Variants in SERPINB5 observed in about 807,000 individuals in gnomAD.
The protein encoded by SERPINB5 is serpin family B member 5, also known as serpin B5.
In SERPINB5, 27 loss-of-function variants were observed where a neutral mutation model predicts 32.2. The ratio of observed to expected loss-of-function variants is 0.84; its 90% CI spans 0.62 to 1.16. The LOEUF (loss-of-function observed/expected upper bound fraction) is 1.16. SERPINB5 is among the 50% of genes most tolerant of loss of function. The pLI is 0.00. For missense variants in SERPINB5, 388 were observed against 436.3 expected (o/e 0.89, Z 0.99); for synonymous variants, 154 against 157.4 (o/e 0.98, Z 0.16).
intron 1 of SERPINB5, 75 bp from the exon 2 acceptor site, chr18:63,484,347 A>G (rs1917171225): frequency 2.3e-6 from 3 of 1,307,406 alleles, no homozygotes; most frequent in Non-Finnish European, 3.1e-6. Context: ...GAATTCTTAT[A>G]GTGTTGGCAG....
At position 63,498,522 on chromosome 18, in the gene SERPINB5, T is replaced by G. The variant is rs12965580; in HGVS notation, c.568-598T>G. Among the ~76,000 whole-genome samples, 26,073 of 152,202 alleles carry G rather than the reference T, an allele frequency of 0.17. 2,382 individuals are homozygous for G. Among genetic ancestry groups the G allele is most frequent in the African/African-American group, 0.23 (9,644 of 41,510 alleles). ...AAAGAATAACAAACGTTGCCTATAT[T>G]TACAGCCATACAGTCTTATTTTTAA... On this transcript the variant is annotated intron_variant, in intron 5 of 6. Coordinates refer to ENST00000382771, the MANE Select transcript of SERPINB5 (RefSeq NM_002639.5). This position sits in a 1 kb window ranked among gnomAD's most constrained non-coding sequence, Gnocchi z 4.2.
intron 1 of SERPINB5, among the ~76,000 whole-genome samples, chr18:63,479,004 C>T (rs1917081964): frequency 6.6e-6 from 1 of 152,124 alleles, no homozygotes; most frequent in East Asian, 1.9e-4. Flanking sequence ...AAGTGATCTG[C>T]CCGCCTTGGC....
At chr18:63,481,403 T>G (rs187151441) in intron 1 of SERPINB5, among the ~76,000 whole-genome samples, 155 of 152,380 alleles carry the variant, frequency 1.0e-3, no homozygotes, top group African/African-American at 3.6e-3. Context: ...AAGTATAGTT[T>G]GTTATTGACT....
Position 63,493,114 on chromosome 18 carries a change from A to G in SERPINB5, c.567+19A>G. The G allele has an allele frequency of 6.2e-7, 1 of 1,614,138 alleles. No individual in the cohort carries two copies. On this transcript the variant is annotated intron_variant, in intron 5 of 6. Transcript: ENST00000382771. ...CAACAAGGTATGTGGGGCAGCATGTAGCAGTAAAAGGAGCCCAATTATAGA... is the reference window on the plus strand; with the variant it reads ...CAACAAGGTATGTGGGGCAGCATGTGGCAGTAAAAGGAGCCCAATTATAGA...
rs1909618294 is a variant in SERPINB5, at chr18:63,503,662, C to T, written c.1068C>T (p.Tyr356=). 4 of 1,614,206 alleles carry T rather than the reference C, an allele frequency of 2.5e-6. No individual in the cohort carries two copies. Among genetic ancestry groups the T allele is most frequent in the Non-Finnish European group, 3.4e-6 (4 of 1,180,014 alleles). ...TGAATGCTGACCATCCCTTTATTTA[C>T]ATCATCAGGCACAACAAAACTCGAA... ...DELNADHPFI[Y]IIRHNKTRNI... Residue 356 remains tyrosine (Y), a synonymous_variant, in exon 7 of 7, where the codon TAC becomes TAT. Coordinates refer to ENST00000382771, the MANE Select transcript of SERPINB5 (RefSeq NM_002639.5).
At chr18:63,497,513 A>G in intron 5 of SERPINB5, 1 of 421,674 alleles carries the variant, frequency 2.4e-6, no homozygotes, top group Non-Finnish European at 4.4e-6. Flanking sequence ...AAAAAAAAAA[A>G]AGAGCCAAGC....
intron 4 of SERPINB5, among the ~76,000 whole-genome samples, chr18:63,490,328 C>T (rs1200361355): frequency 6.6e-6 from 1 of 152,114 alleles, no homozygotes; most frequent in Non-Finnish European, 1.5e-5. Context: ...AGTGCTTCCC[C>T]CAGGCGTCTC....
rs1362441699 is a variant in SERPINB5, at chr18:63,500,843, A to T, written c.735+1556A>T. On this transcript the variant is annotated intron_variant, in intron 6 of 6. Transcript: ENST00000382771. Reference sequence around the variant, plus strand: ...TGGTTGCCATTATGTTTTAGCCACCACTTTATTAACTGAATTATAATTCCT... The same window carrying T: ...TGGTTGCCATTATGTTTTAGCCACCTCTTTATTAACTGAATTATAATTCCT... 2.6e-5 allele frequency among the ~76,000 whole-genome samples: 4 copies of T among 152,016 alleles called. No homozygotes were observed. In the East Asian group the frequency reaches 7.7e-4, roughly 29 times the overall value.
chr18:63,493,160 GA>G, intron 5 of SERPINB5, 65 bp downstream of exon 5: 1 of 1,603,836 alleles, frequency 6.2e-7, no homozygotes. Flanking sequence ...GATAGGGACA[GA>G]GTGGGGCATA....
intron 1 of SERPINB5, among the ~76,000 whole-genome samples, chr18:63,479,620 G>T (rs1294009463): frequency 6.6e-6 from 1 of 152,114 alleles, no homozygotes; most frequent in Non-Finnish European, 1.5e-5. Context: ...CACTCCTGGG[G>T]ATCCCATAGT....
chr18:63,486,795 C>A, intron 2 of SERPINB5, 151 bp from the exon 3 acceptor site: 1 of 704,882 alleles, frequency 1.4e-6, no homozygotes, highest in South Asian at 2.0e-5. Flanking sequence ...GCCTGAATGT[C>A]AATAGTGCTG....
intron 5 of SERPINB5, among the ~76,000 whole-genome samples, chr18:63,496,471 T>G (rs1909449819): frequency 6.6e-6 from 1 of 152,208 alleles, no homozygotes; most frequent in African/African-American, 2.4e-5. Context: ...GAGACTTAGT[T>G]TCTGCCTTGA....
Position 63,503,411 on chromosome 18 carries a change from A to G in SERPINB5, c.817A>G (p.Ile273Val), listed in dbSNP as rs772949316. The change falls in exon 7 of 7, where the codon ATT (isoleucine) becomes GTT (valine). Residue 273 changes from isoleucine (I) to valine (V), a missense_variant. Ile to Val is a conservative substitution (Grantham distance 29). Coordinates refer to ENST00000382771, the MANE Select transcript of SERPINB5 (RefSeq NM_002639.5). ...TMANAKVKLS[I>V]PKFKVEKMID... Reference sequence around the variant, plus strand: ...GGCCAATGCCAAGGTCAAACTCTCCATTCCAAAATTTAAGGTGGAAAAGAT... The same window carrying G: ...GGCCAATGCCAAGGTCAAACTCTCCGTTCCAAAATTTAAGGTGGAAAAGAT... The G allele has an allele frequency of 1.9e-6, 3 of 1,614,244 alleles. No individual in the cohort carries two copies. Among genetic ancestry groups the G allele is most frequent in the Admixed American group, 1.7e-5 (1 of 60,030 alleles).
intron 1 of SERPINB5, among the ~76,000 whole-genome samples, chr18:63,482,355 A>G (rs9960939): frequency 0.73 from 111,025 of 152,150 alleles, 41,712 homozygotes; most frequent in African/African-American, 0.92. Context: ...CTTACTTTCT[A>G]ATGCCAGGGT....
intron 6 of SERPINB5, among the ~76,000 whole-genome samples, chr18:63,502,634 G>T (rs967024689): frequency 3.3e-5 from 5 of 152,068 alleles, no homozygotes; most frequent in South Asian, 2.1e-4. Context: ...AAGCATTCAA[G>T]AAATATGTGT....
intron 1 of SERPINB5, among the ~76,000 whole-genome samples, chr18:63,478,365 C>A (rs1304975200): frequency 6.6e-6 from 1 of 152,168 alleles, no homozygotes; most frequent in African/African-American, 2.4e-5. Flanking sequence ...TGCTTCAGAG[C>A]AAAGCAGACG....
chr18:63,497,792 C>T (rs1909482669), intron 5 of SERPINB5, among the ~76,000 whole-genome samples: 1 of 152,130 alleles, frequency 6.6e-6, no homozygotes, highest in Admixed American at 6.6e-5. Context: ...TGTCCTGTTC[C>T]TCTTTCTTCC....
chr18:63,480,698 C>T (rs1568107386), intron 1 of SERPINB5, among the ~76,000 whole-genome samples: 1 of 152,196 alleles, frequency 6.6e-6, no homozygotes, highest in Non-Finnish European at 1.5e-5. Context: ...TTTGAGCTAC[C>T]TCAGACCAGA....
chr18:63,480,973 A>G (rs1917117760), intron 1 of SERPINB5, among the ~76,000 whole-genome samples: 1 of 152,218 alleles, frequency 6.6e-6, no homozygotes, highest in Non-Finnish European at 1.5e-5. Flanking sequence ...ACAGGAAGGC[A>G]GATCTCTTTG....
Sources: allele counts gnomAD v4.1 joint callset (sites outside exome capture counted in the v4.1 genomes callset), GRCh38; gene constraint gnomAD v4.1.1; non-coding constraint Gnocchi (gnomAD v3.1); transcripts MANE v1.5; gene names NCBI Gene and HGNC (gene_info 2026-07-23, HGNC 2026-07-21).